The following EML5 variants were observed in gnomAD, a reference collection of about 807,000 sequenced individuals.
EML5 encodes echinoderm microtubule-associated protein-like 5.
EML5 carries 120 observed loss-of-function variants against 250.0 expected under a neutral mutation model. The observed-to-expected ratio is 0.48, with a 90% CI of 0.41 to 0.56. EML5 has a LOEUF of 0.56. EML5 is among the 20% of genes least tolerant of loss of function. The pLI is 0.00. For missense variants in EML5, 2,006 were observed against 2,437.6 expected (o/e 0.82, Z 3.73); for synonymous variants, 771 against 806.5 (o/e 0.96, Z 0.75).
chr14:88,676,957 TGCAGTG>T (rs2092608393), intron 21 of EML5, among the ~76,000 whole-genome samples: 3 of 152,216 alleles, frequency 2.0e-5, no homozygotes, highest in Admixed American at 2.0e-4. Context: ...CAGACTGACG[TGCAGTG>T]GCACAATCTT....
intron 2 of EML5, among the ~76,000 whole-genome samples, chr14:88,748,718 TATCTC>T (rs1414616533): frequency 6.6e-6 from 1 of 152,000 alleles, no homozygotes; most frequent in African/African-American, 2.4e-5. Context: ...AGACAAGAAT[TATCTC>T]AAACATACCA....
Position 88,657,450 on chromosome 14 carries a change from G to T in EML5, c.3930C>A (p.Ala1310=). ...ACATTGGGCGAATATTTGTTGATAA[G>T]GCTCTGATGGTGTAACTGATTTCAT... ...RENEISYTIR[A]LSTNIRPMLG... The change falls in exon 27 of 44, where the codon GCC becomes GCA. Residue 1310 remains alanine (A), a synonymous_variant. Transcript: ENST00000554922. 3 of 1,605,486 alleles carry T rather than the reference G, an allele frequency of 1.9e-6. No individual in the cohort carries two copies. Among genetic ancestry groups the T allele is most frequent in the Non-Finnish European group, 2.6e-6 (3 of 1,175,680 alleles).
chr14:88,766,818 A>C (rs1262203416), intron 1 of EML5, among the ~76,000 whole-genome samples: 1 of 152,004 alleles, frequency 6.6e-6, no homozygotes, highest in Admixed American at 6.5e-5. Context: ...CCCAGCTTTA[A>C]AATTTCTCTC....
chr14:88,746,272 T>G lies in EML5; in HGVS notation c.369A>C (p.Ser123=). ...CTGCATTCTTTGAATCAAGTCCAAC[T>G]GAAACCAAGCGCTGATTTATGTCCA... ...AFDLDGQRLV[S]VGLDSKNAVC... is the part of the protein sequence containing the mutation. Residue 123 remains serine (S), a synonymous_variant, in exon 3 of 44, where the codon TCA becomes TCC. Transcript: ENST00000554922. 1 of 1,612,954 alleles carries G rather than the reference T, an allele frequency of 6.2e-7. No individual in the cohort carries two copies. Among genetic ancestry groups the G allele is most frequent in the Non-Finnish European group, 8.5e-7 (1 of 1,179,414 alleles).
Position 88,702,643 on chromosome 14 carries a change from A to G in EML5, c.2052-11T>C. ...TCATAACCTCTGTAACTAATATAGA[A>G]AACAAATCATATATAATTAATTTTG... On this transcript the variant is annotated splice_polypyrimidine_tract_variant and intron_variant, in intron 13 of 43. Transcript: ENST00000554922. 1 of 1,519,554 alleles carries G rather than the reference A, an allele frequency of 6.6e-7. No individual in the cohort carries two copies. Among genetic ancestry groups the G allele is most frequent in the Non-Finnish European group, 8.8e-7 (1 of 1,131,254 alleles). The allele number at this position is 1,519,554 out of a possible 1,614,324, so 94.1% of individuals were successfully genotyped here.
At chr14:88,746,344 G>A in intron 2 of EML5, 61 bp from the exon 3 acceptor site, 1 of 1,368,536 alleles carries the variant, frequency 7.3e-7, no homozygotes, top group Non-Finnish European at 1.0e-6. Flanking sequence ...AAGAGAAACT[G>A]AATTACAAAT....
intron 2 of EML5, among the ~76,000 whole-genome samples, chr14:88,752,840 T>C (rs1349318478): frequency 6.6e-6 from 1 of 152,144 alleles, no homozygotes; most frequent in Non-Finnish European, 1.5e-5. Context: ...AAGAGAAGTG[T>C]CTGCATATCA....
rs192501024 is a variant in EML5 at position 88,770,477 on chromosome 14, G to C, written c.198-15806C>G. On this transcript the variant is annotated intron_variant, in intron 1 of 43. Coordinates refer to ENST00000554922, the MANE Select transcript of EML5 (RefSeq NM_183387.3). ...TCATTTGTTGACAAGAGACCATTCA[G>C]TACAGAGAAAAAATGCTGATGTAGG... Among the ~76,000 whole-genome samples the C allele has an allele frequency of 2.6e-3, 395 of 152,066 alleles. 1 individual carries two copies. The highest frequency in any genetic ancestry group is 8.8e-3 in the African/African-American group (366 of 41,498).
chr14:88,616,492 A>G (rs2087639442), intron 42 of EML5: 3 of 604,378 alleles, frequency 5.0e-6, no homozygotes, highest in Non-Finnish European at 2.9e-6. Context: ...ATAACTGATT[A>G]TAGGTTTGGT....
intron 21 of EML5, among the ~76,000 whole-genome samples, chr14:88,675,332 G>A (rs1253677731): frequency 1.3e-5 from 2 of 152,216 alleles, no homozygotes; most frequent in South Asian, 4.1e-4. Context: ...TCTAGGTGGA[G>A]GTTCCCAAAC....
chr14:88,783,878 T>C (rs746485394), intron 1 of EML5, among the ~76,000 whole-genome samples: 15 of 152,214 alleles, frequency 9.9e-5, no homozygotes, highest in Non-Finnish European at 1.6e-4. Flanking sequence ...CCTCAGCACA[T>C]GGATTATTCT....
intron 29 of EML5, among the ~76,000 whole-genome samples, chr14:88,645,345 T>C (rs531027302): frequency 1.3e-5 from 2 of 152,326 alleles, no homozygotes; most frequent in South Asian, 4.1e-4. Context: ...ATTTCTTTGG[T>C]GTACGTGTCA....
chr14:88,633,788 A>C (rs1177018194), intron 33 of EML5, among the ~76,000 whole-genome samples: 1 of 151,456 alleles, frequency 6.6e-6, no homozygotes, highest in Non-Finnish European at 1.5e-5. Flanking sequence ...TGCTTAAAAC[A>C]GTGCTGAGAA....
rs1484765334 is a variant in EML5, at chr14:88,625,092, A to G, written c.4776T>C (p.Asp1592=). 21 of 1,614,016 alleles carry G rather than the reference A, an allele frequency of 1.3e-5. No individual in the cohort carries two copies. The highest frequency in any genetic ancestry group is 1.8e-5 in the Non-Finnish European group (21 of 1,179,874). The change falls in exon 36 of 44, where the codon GAT becomes GAC. Residue 1592 remains aspartate (D), a synonymous_variant. Transcript: ENST00000554922. The stretch of plus-strand genomic sequence containing the variant: ...ATATGTGATCTTTCCACACACAGAC[A>G]TCACCACTGATGGTACCTGTAAACG... ...NLTFTGTISG[D]VCVWKDHILC... is the part of the protein sequence containing the mutation.
chr14:88,644,278 C>T (rs1217081719), intron 30 of EML5, among the ~76,000 whole-genome samples, 155 bp downstream of exon 30: 3 of 152,058 alleles, frequency 2.0e-5, no homozygotes, highest in African/African-American at 7.2e-5. Context: ...CAGAGAATAT[C>T]CATCCAAAAC....
rs760311553 is a variant in EML5, at chr14:88,715,034, G to A, written c.1349C>T (p.Ser450Phe). 6 of 1,613,684 alleles carry A rather than the reference G, an allele frequency of 3.7e-6. No homozygotes were observed. The Admixed American group carries it at 6.7e-5, about 18-fold the overall frequency. The change falls in exon 9 of 44, where the codon TCC becomes TTC. Residue 450 changes from serine (S) to phenylalanine (F), a missense_variant. Coordinates refer to ENST00000554922, the MANE Select transcript of EML5 (RefSeq NM_183387.3). The part of the protein sequence containing the change: ...RYKKVGECLG[S>F]LSFITHLDWS... ...GTCCAGATGAGTGATGAAACTAAGG[G>A]ATCCCAAACACTCGCCAACTTTTTT...
chr14:88,776,137 C>T (rs2094445423), intron 1 of EML5, among the ~76,000 whole-genome samples: 2 of 152,138 alleles, frequency 1.3e-5, no homozygotes, highest in African/African-American at 4.8e-5. Context: ...GAAAGGCTTT[C>T]CCTAGGACAG....
intron 42 of EML5, chr14:88,616,486 C>G: frequency 1.7e-6 from 1 of 604,298 alleles, no homozygotes; most frequent in Non-Finnish European, 2.9e-6. Context: ...AATTTGATAA[C>G]TGATTATAGG....
chr14:88,714,705 G>GA (rs1316542362), intron 9 of EML5, among the ~76,000 whole-genome samples: 1 of 151,874 alleles, frequency 6.6e-6, no homozygotes, highest in African/African-American at 2.4e-5. Flanking sequence ...ATAGAGTTGA[G>GA]AAAAAACCCA....
Sources: gnomAD v4.1 joint callset for allele counts (sites outside exome capture counted in the v4.1 genomes callset) on GRCh38, gnomAD v4.1.1 for gene constraint, MANE v1.5 for transcripts, NCBI Gene and HGNC (gene_info 2026-07-23, HGNC 2026-07-21) for gene names.